Variants in INTS1 observed in about 807,000 individuals in gnomAD.
The protein encoded by INTS1 is integrator complex subunit 1.
In INTS1, 137 loss-of-function variants were observed where a neutral mutation model predicts 241.6. The ratio of observed to expected loss-of-function variants is 0.57; its 90% CI spans 0.49 to 0.65. The LOEUF is 0.65. INTS1 is among the 30% of genes least tolerant of loss of function. The probability of loss-of-function intolerance (pLI) is 0.00; values close to 1 mark genes in which losing one functional copy is unlikely to be tolerated. For missense variants in INTS1, 3,073 were observed against 3,032.2 expected, an observed-to-expected ratio of 1.01 and a Z score of -0.32; for synonymous variants, 1,692 against 1,337.8, an observed-to-expected ratio of 1.26 and a Z score of -5.78.
Position 1,481,430 on chromosome 7 carries a change from G to C in INTS1, c.3762C>G (p.Pro1254=). ...GGAGGAGTTTGCTCATGCTGGACAC[G>C]GGGATGCCAAACGACTGCACGAACA... ...LLLFVQSFGI[P]VSSMSKLLQF... is the part of the protein sequence containing the mutation. The change falls in exon 28 of 48, where the codon CCC becomes CCG. Residue 1254 remains proline, a synonymous_variant. Transcript: ENST00000404767. The surrounding 1 kb of genome is among the most constrained non-coding windows in gnomAD (Gnocchi z 6.8). The C allele has an allele frequency of 1.2e-6, 2 of 1,612,682 alleles. No homozygotes were observed. The highest frequency in any genetic ancestry group is 1.7e-6 in the Non-Finnish European group (2 of 1,179,640).
chr7:1,493,360 G>A lies in INTS1; in HGVS notation c.2069-254C>T, dbSNP rs1011988200. ...CAAGAGAGGGTAGGGAGGTGAGGAC[G>A]GGGGTGTGGCCGGCAGGGTGGGGAC... is the stretch of plus-strand genomic sequence containing the variant. On this transcript the variant is annotated intron_variant, in intron 15 of 47. Transcript: ENST00000404767. This position sits in a 1 kb window ranked among gnomAD's most constrained non-coding sequence, Gnocchi z 5.3. 7.9e-5 allele frequency among the ~76,000 whole-genome samples: 12 copies of A among 152,112 alleles called. No individual in the cohort carries two copies. The highest frequency in any genetic ancestry group is 4.1e-4 in the South Asian group (2 of 4,824).
Position 1,474,264 on chromosome 7 carries a change from C to A in INTS1, c.5733G>T (p.Val1911=). 1 of 1,607,980 alleles carries A rather than the reference C, an allele frequency of 6.2e-7. No individual in the cohort carries two copies. The highest frequency in any genetic ancestry group is 8.5e-7 in the Non-Finnish European group (1 of 1,178,966). The change falls in exon 41 of 48, where the codon GTG becomes GTT. Residue 1911 remains valine (V), a synonymous_variant. Transcript: ENST00000404767. ...QQNHLSCFLH[V]LGLLELLQPH... is the part of the protein sequence containing the mutation. Reference sequence around the variant, plus strand: ...GCTGCAGCAGCTCCAGCAGGCCCAGCACGTGCAGGAAGCAGCTCAGGTGGT... The same window carrying A: ...GCTGCAGCAGCTCCAGCAGGCCCAGAACGTGCAGGAAGCAGCTCAGGTGGT...
intron 32 of INTS1, 102 bp from the exon 33 acceptor site, chr7:1,478,608 G>A (rs1012661675): frequency 7.8e-5 from 117 of 1,498,978 alleles, no homozygotes; most frequent in South Asian, 1.4e-4. Flanking sequence ...CTGGGCCCAC[G>A]CGGGTACCCA....
intron 11 of INTS1, among the ~76,000 whole-genome samples, chr7:1,496,750 G>A (rs1782881804): frequency 6.6e-6 from 1 of 152,142 alleles, no homozygotes; most frequent in Non-Finnish European, 1.5e-5. Context: ...GCAGGGACCT[G>A]GCATCTCTGT....
Position 1,474,817 on chromosome 7 carries a change from A to G in INTS1, c.5524T>C (p.Phe1842Leu), listed in dbSNP as rs771797708. The G allele has an allele frequency of 1.5e-5, 24 of 1,590,648 alleles. No individual in the cohort carries two copies. The highest frequency in any genetic ancestry group is 2.0e-5 in the Non-Finnish European group (24 of 1,171,206). The change falls in exon 40 of 48, where the codon TTC (phenylalanine) becomes CTC (leucine). Residue 1842 changes from phenylalanine to leucine, a missense_variant. Coordinates refer to ENST00000404767, the MANE Select transcript of INTS1 (RefSeq NM_001080453.3). Reference sequence around the variant, plus strand: ...CTGGTGTCCGCAAGGAGCGTGATGAAGCGGTGGATGAGTCCGTCCAGCTGC... The same window carrying G: ...CTGGTGTCCGCAAGGAGCGTGATGAGGCGGTGGATGAGTCCGTCCAGCTGC... ...VCKLDGLIHR[F>L]ITLLADTSDS... is the part of the protein sequence containing the mutation.
chr7:1,476,817 C>G lies in INTS1; in HGVS notation c.5040G>C (p.Leu1680=), dbSNP rs1781748162. 6.2e-7 allele frequency: 1 copy of G among 1,612,818 alleles called. No homozygotes were observed. The highest frequency in any genetic ancestry group is 1.1e-5 in the South Asian group (1 of 91,076). Residue 1680 remains leucine, a synonymous_variant, in exon 36 of 48, where the codon CTG becomes CTC. Transcript: ENST00000404767. ...ACCTCTGTTCCCGGCTCTTGCCCAG[C>G]AGGACTCGGATGCACTGGTGCAGTG... The part of the protein sequence containing the change: ...WPTLHQCIRV[L]LGKSREQRFD...
Position 1,486,981 on chromosome 7 carries a change from C to G in INTS1, c.2767G>C (p.Ala923Pro), listed in dbSNP as rs1250086318. The change falls in exon 21 of 48, where the codon GCT becomes CCT. Residue 923 changes from alanine (A) to proline (P), a missense_variant. Physicochemically the swap from Ala to Pro is conservative, Grantham distance 27. Coordinates refer to ENST00000404767, the MANE Select transcript of INTS1 (RefSeq NM_001080453.3). ...CCCTCGTCGTCCTCCTCCCCGGAAG[C>G]AGCATCGTCCACAGCATCGTGCAGC... ...FLLHDAVDDAASGEEDDEGES... is the reference protein window; with the variant it reads ...FLLHDAVDDAPSGEEDDEGES... 3.1e-6 allele frequency: 5 copies of G among 1,608,304 alleles called. No homozygotes were observed. In the South Asian group the frequency reaches 3.3e-5, roughly 11 times the overall value.
chr7:1,488,679 G>A (rs1433241961), intron 18 of INTS1, among the ~76,000 whole-genome samples: 1 of 152,206 alleles, frequency 6.6e-6, no homozygotes, highest in African/African-American at 2.4e-5. Context: ...CCGTCCCTAT[G>A]ATGCCACAGC....
At chr7:1,471,535 C>T in intron 45 of INTS1, 36 bp downstream of exon 45, 1 of 1,603,796 alleles carries the variant, frequency 6.2e-7, no homozygotes, top group Non-Finnish European at 8.5e-7. Context: ...AAGGGAGTGG[C>T]TCCTCCCAGC....
At chr7:1,474,444 C>T (rs367808362) in intron 40 of INTS1, 84 bp from the exon 41 acceptor site, 64 of 1,398,798 alleles carry the variant, frequency 4.6e-5, no homozygotes, top group South Asian at 8.4e-5. Context: ...CTGCCTGCCC[C>T]GGGAGCCAGA....
rs770430799 is a variant in INTS1 at position 1,487,063 on chromosome 7, T to C, written c.2685A>G (p.Val895=). The C allele has an allele frequency of 1.9e-6, 3 of 1,562,136 alleles. No individual in the cohort carries two copies. The change falls in exon 21 of 48, where the codon GTA becomes GTG. Residue 895 remains valine, a synonymous_variant. Coordinates refer to ENST00000404767, the MANE Select transcript of INTS1 (RefSeq NM_001080453.3). ...SQSMPWLADL[V]QSSEGSLDVL... ...CGTCCAGGGAGCCCTCGCTGGACTG[T>C]ACCAGGTCCGCCAGCCAGGGCATGG...
At chr7:1,473,892 G>A (rs1191093446) in intron 41 of INTS1, among the ~76,000 whole-genome samples, 199 bp from the exon 42 acceptor site, 2 of 152,370 alleles carry the variant, frequency 1.3e-5, no homozygotes, top group South Asian at 2.1e-4. Context: ...TGGGGCATGT[G>A]CCCAGATGGA....
At position 1,473,574 on chromosome 7, in the gene INTS1, G is replaced by A; in HGVS notation, c.5949C>T (p.Asp1983=). 1 of 1,593,814 alleles carries A rather than the reference G, an allele frequency of 6.3e-7. No homozygotes were observed. Among genetic ancestry groups the A allele is most frequent in the Non-Finnish European group, 8.5e-7 (1 of 1,170,882 alleles). ...AGCCCGTGGGCACTCACTGGAGCGG[G>A]TCGGCGTGCTTCTGCAGGAAGGAGA... ...AAISFLQKHA[D]PLHDLSFDNS... Residue 1983 remains aspartate (D), a synonymous_variant, in exon 42 of 48, where the codon GAC becomes GAT. Transcript: ENST00000404767.
rs748549038 is a variant in INTS1 at position 1,473,100 on chromosome 7, G to A, written c.6042C>T (p.Thr2014=). 8.7e-6 allele frequency: 14 copies of A among 1,610,122 alleles called. No individual in the cohort carries two copies. The highest frequency in any genetic ancestry group is 4.4e-5 in the South Asian group (4 of 90,938). ...CGCCCTCTTCGTCCAGGCCTCGGTC[G>A]GTCCTGTCGTCCCTGCTGGGCAGGC... ...GLSLPSRDDR[T]DRGLDEEGEE... Residue 2014 remains threonine, a synonymous_variant, in exon 43 of 48, where the codon ACC becomes ACT. Coordinates refer to ENST00000404767, the MANE Select transcript of INTS1 (RefSeq NM_001080453.3).
Position 1,471,176 on chromosome 7 carries a change from G to A in INTS1, c.6304C>T (p.Leu2102Phe). Residue 2102 changes from leucine to phenylalanine, a missense_variant, in exon 46 of 48, where the codon CTC (leucine) becomes TTC (phenylalanine). Transcript: ENST00000404767. ...GAGCGCAGGGCCAGGCTGAAGGCGAGGTTGCGGCAACACTCCTCGGCCGAG... is the reference window on the plus strand; with the variant it reads ...GAGCGCAGGGCCAGGCTGAAGGCGAAGTTGCGGCAACACTCCTCGGCCGAG... ...MSSAEECCRN[L>F]AFSLALRSMQ... is the part of the protein sequence containing the mutation. 6 of 1,584,046 alleles carry A rather than the reference G, an allele frequency of 3.8e-6. No individual in the cohort carries two copies. The highest frequency in any genetic ancestry group is 5.1e-6 in the Non-Finnish European group (6 of 1,166,690).
rs767496771 is a variant in INTS1 at position 1,477,640 on chromosome 7, G to A, written c.4848C>T (p.Gly1616=). The change falls in exon 35 of 48, where the codon GGC becomes GGT. Residue 1616 remains glycine, a synonymous_variant. Transcript: ENST00000404767. ...LEAVRLGPSS[G]LLVDWLEMLD... ...GCATTTCCAGCCAGTCCACTAGGAGGCCTGACGAGGGCCCCAGCCGCACGG... is the reference window on the plus strand; with the variant it reads ...GCATTTCCAGCCAGTCCACTAGGAGACCTGACGAGGGCCCCAGCCGCACGG... The A allele has an allele frequency of 4.4e-6, 7 of 1,590,664 alleles. No individual in the cohort carries two copies. The Admixed American group carries it at 7.0e-5, about 16-fold the overall frequency.
rs753450181 is a variant in INTS1, at chr7:1,500,227, G to A, written c.489C>T (p.Ser163=). Residue 163 remains serine, a synonymous_variant, in exon 4 of 48, where the codon AGC becomes AGT. Coordinates refer to ENST00000404767, the MANE Select transcript of INTS1 (RefSeq NM_001080453.3). ...GCTTGATCTTGGCCAGGTACATGAG[G>A]CTCAGGTAGAGGGTGCTGTCAGGCT... ...RAKPDSTLYL[S]LMYLAKIKPN... 18 of 1,605,416 alleles carry A rather than the reference G, an allele frequency of 1.1e-5. No homozygotes were observed. The highest frequency in any genetic ancestry group is 1.7e-5 in the Admixed American group (1 of 59,114).
At chr7:1,477,168 C>T (rs1019589065) in intron 35 of INTS1, among the ~76,000 whole-genome samples, 11 of 152,214 alleles carry the variant, frequency 7.2e-5, no homozygotes, top group Admixed American at 4.6e-4. Context: ...CTGGTGAGGC[C>T]GTCCCTCCCT....
chr7:1,503,075 G>C lies in INTS1; in HGVS notation c.175C>G (p.Arg59Gly). 6.2e-7 allele frequency: 1 copy of C among 1,612,682 alleles called. No individual in the cohort carries two copies. Among genetic ancestry groups the C allele is most frequent in the Non-Finnish European group, 8.5e-7 (1 of 1,179,082 alleles). Residue 59 changes from arginine (R) to glycine (G), a missense_variant, in exon 3 of 48, where the codon CGG becomes GGG. Coordinates refer to ENST00000404767, the MANE Select transcript of INTS1 (RefSeq NM_001080453.3). ...APSGLPSERK[R>G]DAAAALSSAS... ...CTGGACAACGCGGCCGCCGCATCCC[G>C]CTTGCGCTCAGAAGGCAGGCCGGAA...
Sources: allele counts gnomAD v4.1 joint callset (sites outside exome capture counted in the v4.1 genomes callset), GRCh38; gene constraint gnomAD v4.1.1; non-coding constraint Gnocchi (gnomAD v3.1); transcripts MANE v1.5; gene names NCBI Gene and HGNC (gene_info 2026-07-23, HGNC 2026-07-21).